The following TNNI3K variants were observed in gnomAD, a reference collection of about 807,000 sequenced individuals.
TNNI3K encodes the protein serine/threonine-protein kinase TNNI3K.
In TNNI3K, 140 loss-of-function variants were observed where a neutral mutation model predicts 114.5. That is an observed-to-expected ratio of 1.22 (90% CI 1.07 to 1.41). TNNI3K has a LOEUF of 1.41. TNNI3K is among the 40% of genes most tolerant of loss of function. TNNI3K has a pLI of 0.00. For synonymous variants in TNNI3K, 347 were observed against 347.5 expected (o/e 1.00, Z 0.02); for missense variants, 1,125 against 1,007.6 (o/e 1.12, Z -1.58).
At chr1:74,346,833 C>T (rs1661023621) in intron 9 of TNNI3K, among the ~76,000 whole-genome samples, 1 of 151,736 alleles carries the variant, frequency 6.6e-6, no homozygotes, top group Non-Finnish European at 1.5e-5. Context: ...CTTCCCTTGG[C>T]TTGCAGATGG....
At chr1:74,370,958 A>G (rs1414419551) in intron 17 of TNNI3K, 1 of 151,922 alleles carries the variant, frequency 6.6e-6, no homozygotes, top group Non-Finnish European at 1.5e-5. Flanking sequence ...GGAAAGGCCA[A>G]TATACAAAAT....
Position 74,274,448 on chromosome 1 carries a change from C to T in TNNI3K, c.444+2740C>T, listed in dbSNP as rs746295574. On this transcript the variant is annotated intron_variant, in intron 5 of 24. Transcript: ENST00000326637. ...CACTGTCAATATATCTTTACCCATA[C>T]GTGTGAATTCATTTAACATTTTTTC... Among the ~76,000 whole-genome samples, 14 of 151,908 alleles carry T rather than the reference C, an allele frequency of 9.2e-5. No homozygotes were observed. In the East Asian group the frequency reaches 1.7e-3, roughly 19 times the overall value.
In TNNI3K at chr1:74,249,480, A is replaced by T; in HGVS notation, c.171A>T (p.Lys57Asn). The T allele has an allele frequency of 6.2e-7, 1 of 1,613,650 alleles. No homozygotes were observed. The highest frequency in any genetic ancestry group is 8.5e-7 in the Non-Finnish European group (1 of 1,179,792). Reference sequence around the variant, plus strand: ...TCAGCTCTGATGAAGCCTTCAGTAAAGTCAATTTAAATTACCGCACTGAAA... The same window carrying T: ...TCAGCTCTGATGAAGCCTTCAGTAATGTCAATTTAAATTACCGCACTGAAA... The part of the protein sequence containing the change: ...NIFGSDEAFS[K>N]VNLNYRTENG... Residue 57 changes from lysine (K) to asparagine (N), a missense_variant, in exon 3 of 25, where the codon AAA becomes AAT. Coordinates refer to ENST00000326637, the MANE Select transcript of TNNI3K (RefSeq NM_015978.3).
At chr1:74,463,589 G>T (rs1667542059) in intron 21 of TNNI3K, 39 bp downstream of exon 21, 1 of 1,601,648 alleles carries the variant, frequency 6.2e-7, no homozygotes. Flanking sequence ...ATGTGTTATG[G>T]TCAAAATCTG....
At chr1:74,530,978 A>C (rs1311251855) in intron 23 of TNNI3K, among the ~76,000 whole-genome samples, 1 of 152,120 alleles carries the variant, frequency 6.6e-6, no homozygotes, top group Non-Finnish European at 1.5e-5. Flanking sequence ...TTCTCACTGC[A>C]TTTTTCCTTA....
At chr1:74,321,118 A>G (rs1470602801) in intron 5 of TNNI3K, among the ~76,000 whole-genome samples, 1 of 152,200 alleles carries the variant, frequency 6.6e-6, no homozygotes, top group Non-Finnish European at 1.5e-5. Context: ...TGCATAGAAC[A>G]TGATGTGGTC....
At chr1:74,275,648 G>A (rs916059667) in intron 5 of TNNI3K, among the ~76,000 whole-genome samples, 5 of 151,806 alleles carry the variant, frequency 3.3e-5, no homozygotes, top group Non-Finnish European at 5.9e-5. Context: ...AATGAGATAA[G>A]CACAGTAAGG....
In TNNI3K at chr1:74,379,200, T is replaced by C. The variant is rs574443201; in HGVS notation, c.1772+8808T>C. Among the ~76,000 whole-genome samples the C allele has an allele frequency of 3.9e-5, 6 of 152,028 alleles. No individual in the cohort carries two copies. The East Asian group carries it at 9.7e-4, about 25-fold the overall frequency. ...GAAGAAAAACCTCATTATGACTATG[T>C]CCCTGAATTGAAATATGGCTCAAGA... On this transcript the variant is annotated intron_variant, in intron 17 of 24. Coordinates refer to ENST00000326637, the MANE Select transcript of TNNI3K (RefSeq NM_015978.3).
chr1:74,430,738 A>T (rs1202656835), intron 17 of TNNI3K, among the ~76,000 whole-genome samples: 1 of 152,160 alleles, frequency 6.6e-6, no homozygotes, highest in East Asian at 1.9e-4. Flanking sequence ...CATTTGCTTC[A>T]TGGTAAAAGA....
intron 17 of TNNI3K, among the ~76,000 whole-genome samples, chr1:74,414,980 A>G (rs1456038132): frequency 6.6e-6 from 1 of 152,162 alleles, no homozygotes; most frequent in African/African-American, 2.4e-5. Context: ...TTCCTAAATC[A>G]TTTGCAATGT....
intron 20 of TNNI3K, among the ~76,000 whole-genome samples, chr1:74,455,541 A>T (rs1268768746): frequency 6.6e-6 from 1 of 152,160 alleles, no homozygotes; most frequent in East Asian, 1.9e-4. Context: ...GTGGTAATTG[A>T]CTCATATGAT....
At chr1:74,478,730 C>G (rs1668329076) in intron 21 of TNNI3K, among the ~76,000 whole-genome samples, 1 of 152,162 alleles carries the variant, frequency 6.6e-6, no homozygotes, top group Admixed American at 6.5e-5. Flanking sequence ...TATGTGAACC[C>G]CACCATCTAT....
At chr1:74,399,947 A>G (rs949167211) in intron 17 of TNNI3K, among the ~76,000 whole-genome samples, 1 of 152,186 alleles carries the variant, frequency 6.6e-6, no homozygotes, top group Non-Finnish European at 1.5e-5. Flanking sequence ...CAAGCAAACA[A>G]ATATCTATGT....
chr1:74,430,839 C>G (rs1665864887), intron 17 of TNNI3K, among the ~76,000 whole-genome samples: 1 of 152,034 alleles, frequency 6.6e-6, no homozygotes, highest in Admixed American at 6.6e-5. Flanking sequence ...TCAATCAAAG[C>G]AGAAATAGTT....
intron 17 of TNNI3K, among the ~76,000 whole-genome samples, chr1:74,391,038 T>C (rs1663740001): frequency 6.8e-6 from 1 of 147,146 alleles, no homozygotes; most frequent in Non-Finnish European, 1.5e-5. Context: ...AAAATAAAAC[T>C]TTAGCAAAAG....
intron 17 of TNNI3K, chr1:74,375,673 C>G (rs1662870097): frequency 2.2e-6 from 1 of 451,962 alleles, no homozygotes; most frequent in African/African-American, 2.0e-5. Context: ...CTTTGACACC[C>G]TATGATATCA....
intron 24 of TNNI3K, chr1:74,541,425 A>G (rs185396548): frequency 6.6e-5 from 10 of 152,346 alleles, no homozygotes; most frequent in Admixed American, 5.9e-4. Flanking sequence ...CAGTTTTACA[A>G]CATAATTGGC....
At chr1:74,485,303 G>C (rs1022217513) in intron 21 of TNNI3K, among the ~76,000 whole-genome samples, 1 of 152,216 alleles carries the variant, frequency 6.6e-6, no homozygotes, top group Admixed American at 6.5e-5. Context: ...TGAGAAAACA[G>C]TAAGAACAAT....
chr1:74,308,213 A>G (rs866922928), intron 5 of TNNI3K, among the ~76,000 whole-genome samples: 1 of 152,050 alleles, frequency 6.6e-6, no homozygotes. Context: ...CAGAATATAC[A>G]TTCTCCTCTG....
Sources: allele counts gnomAD v4.1 joint callset (sites outside exome capture counted in the v4.1 genomes callset), GRCh38; gene constraint gnomAD v4.1.1; transcripts MANE v1.5; gene names NCBI Gene and HGNC (gene_info 2026-07-23, HGNC 2026-07-21).